RALGAPA2: variants seen among roughly 807,000 people sequenced by gnomAD.
The protein encoded by RALGAPA2 is ral GTPase-activating protein subunit alpha-2.
In RALGAPA2, 139 loss-of-function variants were observed where a neutral mutation model predicts 230.4. That is an observed-to-expected ratio of 0.60 (90% CI 0.53 to 0.69). The LOEUF (loss-of-function observed/expected upper bound fraction) is 0.69. RALGAPA2 is among the 30% of genes least tolerant of loss of function. The pLI is 0.00. For missense variants in RALGAPA2, 2,163 were observed against 2,276.0 expected, an observed-to-expected ratio of 0.95 and a Z score of 1.01; for synonymous variants, 847 against 837.8, an observed-to-expected ratio of 1.01 and a Z score of -0.19.
At chr20:20,589,746 A>G (rs1290980841) in intron 17 of RALGAPA2, among the ~76,000 whole-genome samples, 1 of 152,160 alleles carries the variant, frequency 6.6e-6, no homozygotes, top group Non-Finnish European at 1.5e-5. Context: ...GTGCCTCAGT[A>G]TTGCTTGAGA....
At position 20,390,583 on chromosome 20, in the gene RALGAPA2, G is replaced by A. The variant is rs1303969618; in HGVS notation, c.*2706C>T. 5.3e-5 allele frequency: 8 copies of A among 152,114 alleles called. No homozygotes were observed. Among genetic ancestry groups the A allele is most frequent in the South Asian group, 2.1e-4 (1 of 4,828 alleles). The allele number at this position is 152,114 out of a possible 1,614,324, so 9.4% of individuals were successfully genotyped here. A position where few individuals can be genotyped will look rare whatever the true frequency, so the allele number is the denominator to read the frequency against. On this transcript the variant is annotated 3_prime_UTR_variant, in exon 40 of 40. Transcript: ENST00000202677. ...AGATGGCTGACCTACTGGTACCACCGTGATGAGTCAGCGCTGTGCCTCAGG... is the reference window on the plus strand; with the variant it reads ...AGATGGCTGACCTACTGGTACCACCATGATGAGTCAGCGCTGTGCCTCAGG...
intron 37 of RALGAPA2, among the ~76,000 whole-genome samples, chr20:20,434,908 C>T (rs976672433): frequency 2.0e-5 from 3 of 152,120 alleles, no homozygotes; most frequent in East Asian, 1.9e-4. Context: ...TGCACTCTAG[C>T]GTGGGCAACA....
chr20:20,635,714 G>T, intron 8 of RALGAPA2, 97 bp from the exon 9 acceptor site: 3 of 1,137,100 alleles, frequency 2.6e-6, no homozygotes, highest in East Asian at 2.8e-5. Flanking sequence ...TCCAATTTTT[G>T]GTTGTCTAAA....
chr20:20,440,247 T>A (rs541019742), intron 37 of RALGAPA2, among the ~76,000 whole-genome samples: 1 of 152,178 alleles, frequency 6.6e-6, no homozygotes, highest in South Asian at 2.1e-4. Context: ...AGAAACAGGG[T>A]ATTTGGGTTA....
At chr20:20,666,919 G>A (rs1449191448) in intron 3 of RALGAPA2, among the ~76,000 whole-genome samples, 2 of 151,926 alleles carry the variant, frequency 1.3e-5, no homozygotes, top group African/African-American at 2.4e-5. Flanking sequence ...GGGGTGGGGG[G>A]AGGAAAAGAG....
At chr20:20,405,084 T>C (rs2064793111) in intron 38 of RALGAPA2, among the ~76,000 whole-genome samples, 1 of 152,210 alleles carries the variant, frequency 6.6e-6, no homozygotes, top group Admixed American at 6.5e-5. Context: ...TTAGGCAATG[T>C]GGGGAAGTTC....
At chr20:20,399,338 C>T (rs1002030977) in intron 38 of RALGAPA2, among the ~76,000 whole-genome samples, 9 of 82,522 alleles carry the variant, frequency 1.1e-4, no homozygotes, top group Middle Eastern at 8.3e-3. Flanking sequence ...AGCGAAACTC[C>T]GTCTCAAAAA....
At chr20:20,444,001 T>C (rs1392250133) in intron 37 of RALGAPA2, among the ~76,000 whole-genome samples, 3 of 152,256 alleles carry the variant, frequency 2.0e-5, no homozygotes, top group African/African-American at 7.2e-5. Context: ...ACCTAGTGGT[T>C]AATCGGCACT....
intron 23 of RALGAPA2, among the ~76,000 whole-genome samples, chr20:20,570,476 T>C (rs891308508): frequency 1.3e-5 from 2 of 152,156 alleles, no homozygotes; most frequent in Non-Finnish European, 2.9e-5. Context: ...ATGATTCAAG[T>C]TCATTAATAA....
intron 37 of RALGAPA2, among the ~76,000 whole-genome samples, chr20:20,427,466 T>C (rs1359949336): frequency 6.6e-6 from 1 of 151,938 alleles, no homozygotes; most frequent in Non-Finnish European, 1.5e-5. Flanking sequence ...TTCATGCAGA[T>C]GTCTCTTCCC....
At position 20,512,948 on chromosome 20, in the gene RALGAPA2, C is replaced by A; in HGVS notation, c.4421G>T (p.Gly1474Val). 2 of 1,613,752 alleles carry A rather than the reference C, an allele frequency of 1.2e-6. No individual in the cohort carries two copies. The highest frequency in any genetic ancestry group is 1.7e-5 in the Admixed American group (1 of 60,020). Residue 1474 changes from glycine to valine, a missense_variant, in exon 32 of 40, where the codon GGT (glycine) becomes GTT (valine). Coordinates refer to ENST00000202677, the MANE Select transcript of RALGAPA2 (RefSeq NM_020343.4). The part of the protein sequence containing the change: ...RDISGKYSWD[G>V]KVLYGPLEGC... ...TTCCAAAGGTCCATATAAAACCTTA[C>A]CATCCCAAGAGTACTTCCCTGAGAT... is the stretch of plus-strand genomic sequence containing the variant.
At chr20:20,487,626 T>A (rs1328057645) in intron 36 of RALGAPA2, among the ~76,000 whole-genome samples, 1 of 152,198 alleles carries the variant, frequency 6.6e-6, no homozygotes, top group African/African-American at 2.4e-5. Context: ...TAGTTTCTCT[T>A]GGCTGGGCAC....
chr20:20,574,777 C>T (rs1312679764), intron 20 of RALGAPA2, among the ~76,000 whole-genome samples: 2 of 152,160 alleles, frequency 1.3e-5, no homozygotes, highest in African/African-American at 4.8e-5. Context: ...CTATTTGCTT[C>T]CATGACCAAG....
chr20:20,637,340 T>C (rs1409021298), intron 8 of RALGAPA2, 23 bp downstream of exon 8: 2 of 1,570,174 alleles, frequency 1.3e-6, no homozygotes, highest in Non-Finnish European at 1.7e-6. Context: ...ATATCCTCTA[T>C]ACACGGCTCC....
intron 1 of RALGAPA2, among the ~76,000 whole-genome samples, chr20:20,695,978 T>C (rs923937780): frequency 1.3e-5 from 2 of 152,206 alleles, no homozygotes; most frequent in African/African-American, 4.8e-5. Flanking sequence ...CTCCATTTTT[T>C]TTTTGTCAGC....
chr20:20,534,830 A>G (rs1411798158), intron 26 of RALGAPA2, among the ~76,000 whole-genome samples: 3 of 152,216 alleles, frequency 2.0e-5, no homozygotes, highest in African/African-American at 7.2e-5. Flanking sequence ...ATCAATATAA[A>G]AGCAACTTTC....
At chr20:20,570,381 G>A (rs932691683) in intron 23 of RALGAPA2, among the ~76,000 whole-genome samples, 1 of 152,126 alleles carries the variant, frequency 6.6e-6, no homozygotes, top group African/African-American at 2.4e-5. Flanking sequence ...CATGTACCCT[G>A]AGGTATCAAA....
chr20:20,438,746 A>C (rs546271229), intron 37 of RALGAPA2, among the ~76,000 whole-genome samples: 1 of 152,216 alleles, frequency 6.6e-6, no homozygotes, highest in South Asian at 2.1e-4. Flanking sequence ...ATGGAGTTTC[A>C]AGCTATCAGA....
chr20:20,510,527 G>GT (rs563566624), intron 33 of RALGAPA2, among the ~76,000 whole-genome samples: 9,457 of 143,716 alleles, frequency 0.066, 370 homozygotes, highest in East Asian at 0.15. Flanking sequence ...TAAAAGTGGT[G>GT]TTTTTTTTTT....
Sources: gnomAD v4.1 joint callset for allele counts (sites outside exome capture counted in the v4.1 genomes callset) on GRCh38, gnomAD v4.1.1 for gene constraint, MANE v1.5 for transcripts, NCBI Gene and HGNC (gene_info 2026-07-23, HGNC 2026-07-21) for gene names.